CDH4: variants seen among roughly 807,000 people sequenced by gnomAD.
CDH4 encodes the protein cadherin-4.
Under a neutral mutation model 86.0 loss-of-function variants are expected in CDH4, and 33 were observed. That is an observed-to-expected ratio of 0.38 (90% CI 0.29 to 0.51). The LOEUF is 0.51. Among genes scored for constraint, CDH4 ranks in the 20% least tolerant of loss-of-function variants. The pLI, the probability that CDH4 is intolerant of heterozygous loss-of-function variation, is 0.86. For missense variants in CDH4, 1,114 were observed against 1,307.4 expected (o/e 0.85, Z 2.28); for synonymous variants, 555 against 549.4 (o/e 1.01, Z -0.14).
intron 2 of CDH4, among the ~76,000 whole-genome samples, chr20:61,263,461 T>C (rs527973257): frequency 6.6e-6 from 1 of 152,134 alleles, no homozygotes; most frequent in Non-Finnish European, 1.5e-5. Context: ...GAGCTGTTGT[T>C]TGGGGGGACT....
chr20:61,555,104 C>CGTGT (rs111335592), intron 2 of CDH4, among the ~76,000 whole-genome samples: 185 of 151,874 alleles, frequency 1.2e-3, no homozygotes, highest in African/African-American at 4.0e-3. Context: ...CAGTATGAGC[C>CGTGT]GTATGTGTGT....
At chr20:61,893,952 G>A (rs949296296) in intron 7 of CDH4, among the ~76,000 whole-genome samples, 3 of 152,132 alleles carry the variant, frequency 2.0e-5, no homozygotes, top group African/African-American at 7.2e-5. Context: ...ACTTGAGCAC[G>A]TTTCACTGAA....
chr20:61,562,518 TG>T (rs1205554327), intron 2 of CDH4, among the ~76,000 whole-genome samples: 2 of 152,146 alleles, frequency 1.3e-5, no homozygotes, highest in African/African-American at 2.4e-5. Flanking sequence ...CCTGGGAAAC[TG>T]GGGGGATTGG....
chr20:61,705,795 C>T (rs188194971), intron 2 of CDH4, among the ~76,000 whole-genome samples: 236 of 152,336 alleles, frequency 1.5e-3, no homozygotes, highest in African/African-American at 5.3e-3. Flanking sequence ...GCAGAATCGC[C>T]GACAGGCTCC....
chr20:61,629,716 G>A (rs1214020948), intron 2 of CDH4, among the ~76,000 whole-genome samples: 1 of 152,158 alleles, frequency 6.6e-6, no homozygotes, highest in Non-Finnish European at 1.5e-5. Flanking sequence ...GACAAGCTAG[G>A]CTGCCCTGTC....
chr20:61,293,368 C>T (rs552818566), intron 2 of CDH4, among the ~76,000 whole-genome samples: 38 of 152,222 alleles, frequency 2.5e-4, no homozygotes, highest in Non-Finnish European at 4.1e-4. Flanking sequence ...ACAGTTACCC[C>T]GGTATCTGGT....
chr20:61,506,882 G>T lies in CDH4; in HGVS notation c.170-236681G>T, dbSNP rs140082776. Among the ~76,000 whole-genome samples the T allele has an allele frequency of 4.4e-3, 665 of 152,264 alleles. 10 individuals are homozygous for T. Among genetic ancestry groups the T allele is most frequent in the Admixed American group, 0.015 (235 of 15,296 alleles). ...AAAGGAACCATGGACACTGTGGGTCGGGAGATTTTTGGAATACTCAGATTT... is the reference window on the plus strand; with the variant it reads ...AAAGGAACCATGGACACTGTGGGTCTGGAGATTTTTGGAATACTCAGATTT... On this transcript the variant is annotated intron_variant, in intron 2 of 15. Coordinates refer to ENST00000614565, the MANE Select transcript of CDH4 (RefSeq NM_001794.5).
chr20:61,661,097 GAC>G, intron 2 of CDH4, among the ~76,000 whole-genome samples: 3 of 134,216 alleles, frequency 2.2e-5, no homozygotes, highest in African/African-American at 6.3e-5. Context: ...GGGGGGGGGA[GAC>G]ACAGTGCCAG....
chr20:61,304,855 G>GTA (rs1394641209), intron 2 of CDH4, among the ~76,000 whole-genome samples: 1 of 145,592 alleles, frequency 6.9e-6, no homozygotes, highest in Non-Finnish European at 1.5e-5. Flanking sequence ...TGCAGCACGT[G>GTA]TATTGTGTGT....
chr20:61,744,979 G>A (rs2088396166), intron 3 of CDH4, among the ~76,000 whole-genome samples: 1 of 152,216 alleles, frequency 6.6e-6, no homozygotes, highest in Non-Finnish European at 1.5e-5. Context: ...CAGCCTGCAG[G>A]TCCAGCTGTT....
At chr20:61,578,220 C>T (rs1482756484) in intron 2 of CDH4, among the ~76,000 whole-genome samples, 1 of 152,186 alleles carries the variant, frequency 6.6e-6, no homozygotes, top group Non-Finnish European at 1.5e-5. Context: ...GTCCTTTTAC[C>T]CACCAAAGAG....
intron 2 of CDH4, among the ~76,000 whole-genome samples, chr20:61,487,572 C>T (rs1373916196): frequency 6.6e-6 from 1 of 152,150 alleles, no homozygotes. Context: ...ACTGGAGTTG[C>T]AGTGATTTTC....
rs2123036004 is a variant in CDH4, at chr20:61,939,379, T to G, written c.*2436T>G. ...CTCCCCCTCCTCGCCCACAGCCTCT[T>G]GTCACTGCCAAGCCCCCGTTCCTTT... On this transcript the variant is annotated 3_prime_UTR_variant, in exon 16 of 16. Coordinates refer to ENST00000614565, the MANE Select transcript of CDH4 (RefSeq NM_001794.5). 6.6e-6 allele frequency: 1 copy of G among 152,418 alleles called. No homozygotes were observed. Among genetic ancestry groups the G allele is most frequent in the African/African-American group, 2.4e-5 (1 of 41,590 alleles). 9.4% of individuals were successfully genotyped at this position (152,418 alleles called of 1,614,324 possible).
intron 2 of CDH4, among the ~76,000 whole-genome samples, chr20:61,581,572 T>G (rs1382043660): frequency 6.6e-6 from 1 of 152,084 alleles, no homozygotes; most frequent in African/African-American, 2.4e-5. Context: ...TGAGGCAGCC[T>G]CTTCCGGTCT....
intron 2 of CDH4, among the ~76,000 whole-genome samples, chr20:61,571,013 T>A (rs1050638024): frequency 6.6e-6 from 1 of 151,766 alleles, no homozygotes; most frequent in Non-Finnish European, 1.5e-5. Context: ...ATGCAGAGAG[T>A]GTGGTGGATA....
At chr20:61,603,348 C>G (rs970179591) in intron 2 of CDH4, among the ~76,000 whole-genome samples, 2 of 152,184 alleles carry the variant, frequency 1.3e-5, no homozygotes, top group African/African-American at 4.8e-5. Flanking sequence ...ACCAGGGCCC[C>G]ACACCACTCC....
At chr20:61,706,907 AAG>A (rs1321423720) in intron 2 of CDH4, among the ~76,000 whole-genome samples, 1 of 152,336 alleles carries the variant, frequency 6.6e-6, no homozygotes, top group South Asian at 2.1e-4. Flanking sequence ...CAGAGGGCTG[AAG>A]AGAGGCGTCT....
intron 2 of CDH4, among the ~76,000 whole-genome samples, chr20:61,687,219 C>T (rs2087593416): frequency 6.6e-6 from 1 of 152,246 alleles, no homozygotes. Flanking sequence ...GCTCCACAGC[C>T]TATTGTCCCG....
intron 2 of CDH4, among the ~76,000 whole-genome samples, chr20:61,475,989 G>A (rs1387675610): frequency 2.0e-5 from 3 of 152,040 alleles, no homozygotes; most frequent in South Asian, 2.1e-4. Context: ...GCCAGAGTGA[G>A]TCTCTAGAAC....
Sources: allele counts gnomAD v4.1 joint callset (sites outside exome capture counted in the v4.1 genomes callset), GRCh38; gene constraint gnomAD v4.1.1; transcripts MANE v1.5; gene names NCBI Gene and HGNC (gene_info 2026-07-23, HGNC 2026-07-21).